Variants in ATRNL1 observed in about 807,000 individuals in gnomAD.
ATRNL1 encodes attractin-like protein 1.
Under a neutral mutation model 182.7 loss-of-function variants are expected in ATRNL1, and 95 were observed. The ratio of observed to expected loss-of-function variants is 0.52; its 90% CI spans 0.44 to 0.62. The LOEUF (loss-of-function observed/expected upper bound fraction) is 0.62. Among genes scored for constraint, ATRNL1 ranks in the 20% least tolerant of loss-of-function variants. ATRNL1 has a pLI of 0.00. For missense variants in ATRNL1, 1,471 were observed against 1,679.5 expected (o/e 0.88, Z 2.17); for synonymous variants, 576 against 568.3 (o/e 1.01, Z -0.19).
At chr10:115,635,797 A>G (rs1555027901) in intron 26 of ATRNL1, among the ~76,000 whole-genome samples, 1 of 152,154 alleles carries the variant, frequency 6.6e-6, no homozygotes, top group African/African-American at 2.4e-5. Context: ...ACAATCAGAC[A>G]CTGTACAGGA....
In ATRNL1 at chr10:115,373,351, A is replaced by G. The variant is rs188078587; in HGVS notation, c.3176-21308A>G. On this transcript the variant is annotated intron_variant, in intron 19 of 28. Transcript: ENST00000355044. Reference sequence around the variant, plus strand: ...TTTCTTTAAAATTTGGATAGCTTTTATTTCTTTCTCTTTTCTAATTTTTGT... The same window carrying G: ...TTTCTTTAAAATTTGGATAGCTTTTGTTTCTTTCTCTTTTCTAATTTTTGT... 5.2e-4 allele frequency among the ~76,000 whole-genome samples: 79 copies of G among 152,050 alleles called. No individual in the cohort carries two copies. The Middle Eastern group carries it at 0.01, about 20-fold the overall frequency.
intron 19 of ATRNL1, among the ~76,000 whole-genome samples, chr10:115,356,371 C>G (rs1382471423): frequency 2.6e-5 from 4 of 152,036 alleles, no homozygotes; most frequent in Admixed American, 6.6e-5. Context: ...TTTGTATTCT[C>G]TCAGTACATA....
At chr10:115,173,631 T>C (rs1847378493) in intron 8 of ATRNL1, among the ~76,000 whole-genome samples, 1 of 151,944 alleles carries the variant, frequency 6.6e-6, no homozygotes, top group Admixed American at 6.6e-5. Context: ...TTATGTTTTA[T>C]AGAAGTTGCT....
intron 1 of ATRNL1, among the ~76,000 whole-genome samples, chr10:115,113,894 A>G (rs763517473): frequency 6.6e-6 from 1 of 152,224 alleles, no homozygotes; most frequent in Non-Finnish European, 1.5e-5. Context: ...TTAGGGATGT[A>G]CTAAATGACT....
intron 19 of ATRNL1, among the ~76,000 whole-genome samples, chr10:115,338,433 C>T (rs543026904): frequency 1.3e-5 from 2 of 152,278 alleles, no homozygotes; most frequent in Admixed American, 6.5e-5. Context: ...GCCATTTTAA[C>T]TGGGGTGATA....
chr10:115,450,973 C>T (rs1467350049), intron 21 of ATRNL1, among the ~76,000 whole-genome samples: 2 of 152,084 alleles, frequency 1.3e-5, no homozygotes, highest in Non-Finnish European at 2.9e-5. Flanking sequence ...TTAGGCTACA[C>T]ACCTATAACC....
At position 115,897,257 on chromosome 10, in the gene ATRNL1, TTAGA is replaced by T. The variant is rs1952231710; in HGVS notation, c.4019-47398_4019-47395del. The stretch of plus-strand genomic sequence containing the variant: ...ATACTGAATTATCATTTATGATTTA[TTAGA>T]TAAAGATGAAACAAATCATAATATC... On this transcript the variant is annotated intron_variant, in intron 28 of 28. Coordinates refer to ENST00000355044, the MANE Select transcript of ATRNL1 (RefSeq NM_207303.4). Among the ~76,000 whole-genome samples, 3 of 152,168 alleles carry T rather than the reference TTAGA, an allele frequency of 2.0e-5. No individual in the cohort carries two copies. The South Asian group carries it at 6.2e-4, about 32-fold the overall frequency.
chr10:115,909,586 C>T (rs1355225150), intron 28 of ATRNL1: 1 of 132,790 alleles, frequency 7.5e-6, no homozygotes, highest in East Asian at 2.2e-4. Flanking sequence ...AGGTTAGCTT[C>T]ATGGTTTTTT....
At position 115,631,297 on chromosome 10, in the gene ATRNL1, A is replaced by G. The variant is rs372364756; in HGVS notation, c.3795+81761A>G. ...TTAGCTTGACTGTAGTTCACTATGT[A>G]TATGTATATCAAAATATATTGTATA... On this transcript the variant is annotated intron_variant, in intron 26 of 28. Coordinates refer to ENST00000355044, the MANE Select transcript of ATRNL1 (RefSeq NM_207303.4). 2.6e-4 allele frequency among the ~76,000 whole-genome samples: 39 copies of G among 148,960 alleles called. 1 individual carries two copies. In the South Asian group the frequency reaches 7.9e-3, roughly 30 times the overall value.
intron 27 of ATRNL1, among the ~76,000 whole-genome samples, chr10:115,822,543 T>TA (rs782009995): frequency 1.3e-5 from 2 of 151,698 alleles, no homozygotes; most frequent in Non-Finnish European, 2.9e-5. Context: ...GCCAGACTAA[T>TA]AAAGAAGAAA....
chr10:115,547,026 G>A (rs141703618), intron 25 of ATRNL1, among the ~76,000 whole-genome samples: 2,649 of 152,084 alleles, frequency 0.017, 42 homozygotes, highest in Admixed American at 0.03. Flanking sequence ...GGCCGAGGCC[G>A]GCAGATCACC....
intron 25 of ATRNL1, among the ~76,000 whole-genome samples, chr10:115,535,915 G>A (rs935274250): frequency 6.6e-6 from 1 of 151,882 alleles, no homozygotes; most frequent in Non-Finnish European, 1.5e-5. Context: ...GGTGTCTGCA[G>A]AACAGCAGAT....
rs1235773278 is a variant in ATRNL1, at chr10:115,947,878, A to G, written c.*3099A>G. Reference sequence around the variant, plus strand: ...AGCCTTCCATCTGTAAAGGGCGGTAATGGTGCCCACCTTTCGAGGCATTGC... The same window carrying G: ...AGCCTTCCATCTGTAAAGGGCGGTAGTGGTGCCCACCTTTCGAGGCATTGC... On this transcript the variant is annotated 3_prime_UTR_variant, in exon 29 of 29. Transcript: ENST00000355044. 2.6e-5 allele frequency: 4 copies of G among 152,166 alleles called. No individual in the cohort carries two copies. The highest frequency in any genetic ancestry group is 9.7e-5 in the African/African-American group (4 of 41,438). The allele number at this position is 152,166 out of a possible 1,614,324, so 9.4% of individuals were successfully genotyped here. A position where few individuals can be genotyped will look rare whatever the true frequency, so the allele number is the denominator to read the frequency against.
chr10:115,884,011 G>A (rs1555109214), intron 28 of ATRNL1, among the ~76,000 whole-genome samples: 1 of 152,202 alleles, frequency 6.6e-6, no homozygotes, highest in African/African-American at 2.4e-5. Context: ...GGAAAGAATT[G>A]CGTGCATTTA....
At chr10:115,752,418 G>A (rs1284308321) in intron 27 of ATRNL1, among the ~76,000 whole-genome samples, 1 of 151,918 alleles carries the variant, frequency 6.6e-6, no homozygotes, top group Non-Finnish European at 1.5e-5. Flanking sequence ...TAGGCAGTAG[G>A]GTTCAGTGAT....
At chr10:115,108,466 C>T (rs568134988) in intron 1 of ATRNL1, among the ~76,000 whole-genome samples, 2 of 152,142 alleles carry the variant, frequency 1.3e-5, no homozygotes, top group South Asian at 2.1e-4. Context: ...GCAAATGTGC[C>T]GAGTTTTATA....
chr10:115,774,887 G>A (rs1257296256), intron 27 of ATRNL1, among the ~76,000 whole-genome samples: 1 of 148,484 alleles, frequency 6.7e-6, no homozygotes, highest in Non-Finnish European at 1.5e-5. Context: ...TTTTTTTTAT[G>A]TAAAGCTGTC....
intron 26 of ATRNL1, among the ~76,000 whole-genome samples, chr10:115,561,669 C>CTGTGTGTGTGTG (rs375690170): frequency 2.8e-5 from 4 of 141,482 alleles, no homozygotes; most frequent in African/African-American, 1.1e-4. Flanking sequence ...AGGGACAACT[C>CTGTGTGTGTGTG]TGTGTGTGTG....
chr10:115,354,410 G>A (rs1267067120), intron 19 of ATRNL1, among the ~76,000 whole-genome samples: 2 of 151,722 alleles, frequency 1.3e-5, no homozygotes, highest in Non-Finnish European at 2.9e-5. Flanking sequence ...TTGTTTGTCT[G>A]GGAAAGTCTT....
Sources: allele counts gnomAD v4.1 joint callset (sites outside exome capture counted in the v4.1 genomes callset), GRCh38; gene constraint gnomAD v4.1.1; transcripts MANE v1.5; gene names NCBI Gene and HGNC (gene_info 2026-07-23, HGNC 2026-07-21).